The following IGDCC4 variants were observed in gnomAD, a reference collection of about 807,000 sequenced individuals.
IGDCC4 encodes the protein likely ortholog of mouse neighbor of Punc E11.
A neutral mutation model predicts 116.6 loss-of-function variants in IGDCC4; 72 were observed. That is an observed-to-expected ratio of 0.62 (90% CI 0.51 to 0.75). IGDCC4 has a LOEUF of 0.75. IGDCC4 is among the 30% of genes least tolerant of loss of function. The pLI is 0.00. For missense variants in IGDCC4, 1,501 were observed against 1,662.4 expected (o/e 0.90, Z 1.69); for synonymous variants, 709 against 719.9 (o/e 0.98, Z 0.24).
chr15:65,416,394 T>C (rs796424610), intron 1 of IGDCC4, among the ~76,000 whole-genome samples: 152 of 152,092 alleles, frequency 1.0e-3, no homozygotes, highest in Middle Eastern at 3.4e-3. Flanking sequence ...GCCTCGGCCT[T>C]CCAAAGTGCT....
intron 11 of IGDCC4, 60 bp downstream of exon 11, chr15:65,392,074 A>G: frequency 6.5e-7 from 1 of 1,534,864 alleles, no homozygotes; most frequent in African/African-American, 1.4e-5. Context: ...TCTTCACACA[A>G]CTTGCCCAGT....
chr15:65,392,118 C>A lies in IGDCC4; in HGVS notation c.2122+16G>T, dbSNP rs767396452. The A allele has an allele frequency of 1.9e-6, 3 of 1,557,510 alleles. No individual in the cohort carries two copies. The highest frequency in any genetic ancestry group is 1.8e-5 in the Admixed American group (1 of 55,558). On this transcript the variant is annotated intron_variant, in intron 11 of 19. Coordinates refer to ENST00000352385, the MANE Select transcript of IGDCC4 (RefSeq NM_020962.3). ...AAGCTACATCCCTCCCTCCCCCTCC[C>A]CCCAGCCCTCCTCACCTAGCTGGGT...
At chr15:65,396,214 C>CTGCCCCTCCCCCCCGTGCCCCCAAGA in intron 6 of IGDCC4, 51 bp from the exon 7 acceptor site, 1 of 1,376,330 alleles carries the variant, frequency 7.3e-7, no homozygotes, top group Non-Finnish European at 9.3e-7. Flanking sequence ...ACTAAGGTCT[C>CTGCCCCTCCCCCCCGTGCCCCCAAGA]TGCCCCCCCC....
Position 65,391,169 on chromosome 15 carries a change from G to A in IGDCC4, c.2224+711C>T, listed in dbSNP as rs945724665. ...TGCTTGAACCCAGGAGGCAGAGGTT[G>A]CAGTGAGCTGAGATCATACCATTGC... On this transcript the variant is annotated intron_variant, in intron 12 of 19. Coordinates refer to ENST00000352385, the MANE Select transcript of IGDCC4 (RefSeq NM_020962.3). 2.0e-5 allele frequency among the ~76,000 whole-genome samples: 3 copies of A among 152,202 alleles called. No individual in the cohort carries two copies. In the East Asian group the frequency reaches 5.8e-4, roughly 29 times the overall value.
rs1030240736 is a variant in IGDCC4, at chr15:65,400,741, A to G, written c.841+65T>C. 3.9e-6 allele frequency: 6 copies of G among 1,530,310 alleles called. No individual in the cohort carries two copies. In the African/African-American group the frequency reaches 8.2e-5, roughly 21 times the overall value. 94.8% of individuals were successfully genotyped at this position (1,530,310 alleles called of 1,614,324 possible). A position where few individuals can be genotyped will look rare whatever the true frequency, so the allele number is the denominator to read the frequency against. ...CGTCACCCATACATCCCCCTGACTT[A>G]GGGGCATGTGAGATGCCACATCCCT... On this transcript the variant is annotated intron_variant, in intron 5 of 19. Transcript: ENST00000352385.
chr15:65,396,013 A>T lies in IGDCC4; in HGVS notation c.1148T>A (p.Val383Asp). 6.6e-7 allele frequency: 1 copy of T among 1,511,828 alleles called. No homozygotes were observed. Among genetic ancestry groups the T allele is most frequent in the Non-Finnish European group, 8.8e-7 (1 of 1,137,498 alleles). The allele number at this position is 1,511,828 out of a possible 1,614,324, so 93.7% of individuals were successfully genotyped here. ...APLRPNGRVKVQGGGGSLVIT... is the reference protein window; with the variant it reads ...APLRPNGRVKDQGGGGSLVIT... ...GACCAGGCTGCCACCGCCGCCCTGG[A>T]CCTTGACGCGCCCGTTGGGCCGCAG... The change falls in exon 7 of 20, where the codon GTC (valine) becomes GAC (aspartate). Residue 383 changes from valine to aspartate, a missense_variant. Around this residue, in one of 3 missense-constraint regions of IGDCC4, gnomAD observed 898 missense variants for 978.9 expected, o/e 0.92. Coordinates refer to ENST00000352385, the MANE Select transcript of IGDCC4 (RefSeq NM_020962.3).
Position 65,394,475 on chromosome 15 carries a change from C to T in IGDCC4, c.1650G>A (p.Leu550=), listed in dbSNP as rs2062900054. 11 of 1,613,812 alleles carry T rather than the reference C, an allele frequency of 6.8e-6. No homozygotes were observed. The highest frequency in any genetic ancestry group is 9.3e-6 in the Non-Finnish European group (11 of 1,179,918). ...PSDIRVAWLP[L]PPSLSNGQVV... ...CCTGCCCATTGCTCAGGCTGGGGGG[C>T]AGGGGCAGCCACGCCACCCTGATGT... The change falls in exon 9 of 20, where the codon CTG becomes CTA. Residue 550 remains leucine, a synonymous_variant. Transcript: ENST00000352385.
At chr15:65,419,221 T>A (rs1019465092) in intron 1 of IGDCC4, among the ~76,000 whole-genome samples, 21 of 137,572 alleles carry the variant, frequency 1.5e-4, no homozygotes, top group Non-Finnish European at 6.1e-5. Context: ...ATGACCGCCA[T>A]GCTTTTTTTT....
chr15:65,385,389 A>T, intron 18 of IGDCC4: 1 of 543,138 alleles, frequency 1.8e-6, no homozygotes, highest in South Asian at 2.3e-5. Flanking sequence ...GTGAGGGAGG[A>T]CGGGTCGGAG....
At chr15:65,400,760 C>T in intron 5 of IGDCC4, 46 bp downstream of exon 5, 1 of 1,552,766 alleles carries the variant, frequency 6.4e-7, no homozygotes. Flanking sequence ...TGAGATGCCA[C>T]ATCCCTCCCT....
chr15:65,390,197 G>A lies in IGDCC4; in HGVS notation c.2366C>T (p.Pro789Leu). The A allele has an allele frequency of 6.2e-7, 1 of 1,606,630 alleles. No homozygotes were observed. The highest frequency in any genetic ancestry group is 8.5e-7 in the Non-Finnish European group (1 of 1,174,166). ...CAGGGAGGCATTCCTGAGCCCCCAG[G>A]GGCTGAAGCGCACAGTGTAGTTGAC... is the stretch of plus-strand genomic sequence containing the variant. Reference protein sequence around the residue: ...KIVNYTVRFSPWGLRNASLVT... With the variant: ...KIVNYTVRFSLWGLRNASLVT... The change falls in exon 13 of 20, where the codon CCC (proline) becomes CTC (leucine). Residue 789 changes from proline (P) to leucine (L), a missense_variant. Around this residue, in one of 3 missense-constraint regions of IGDCC4, gnomAD observed 235 missense variants for 328.0 expected, o/e 0.72. Coordinates refer to ENST00000352385, the MANE Select transcript of IGDCC4 (RefSeq NM_020962.3).
intron 6 of IGDCC4, chr15:65,396,522 C>A: frequency 1.8e-6 from 1 of 566,302 alleles, no homozygotes; most frequent in South Asian, 2.0e-5. Context: ...CCCTGCCCCC[C>A]AGTTTTCTTA....
chr15:65,418,308 C>T (rs2063161624), intron 1 of IGDCC4, among the ~76,000 whole-genome samples: 1 of 152,154 alleles, frequency 6.6e-6, no homozygotes, highest in South Asian at 2.1e-4. Flanking sequence ...CTTGCCTGTT[C>T]TCTTGCTGTA....
chr15:65,399,281 C>A lies in IGDCC4; in HGVS notation c.841+1525G>T, dbSNP rs559248491. On this transcript the variant is annotated intron_variant, in intron 5 of 19. Coordinates refer to ENST00000352385, the MANE Select transcript of IGDCC4 (RefSeq NM_020962.3). ...AGCCCAGGAGTTTGAGACCTGCCTG[C>A]GCAACATCTAGAAACCCTGTCTCTA... 3.9e-5 allele frequency among the ~76,000 whole-genome samples: 6 copies of A among 151,922 alleles called. No homozygotes were observed. The South Asian group carries it at 1.3e-3, about 32-fold the overall frequency.
Position 65,411,107 on chromosome 15 carries a change from C to G in IGDCC4, c.334G>C (p.Val112Leu). 1 of 1,614,248 alleles carries G rather than the reference C, an allele frequency of 6.2e-7. No individual in the cohort carries two copies. ...GAATAGTTGCCTTCAATGACCCCCA[C>G]AGCCTCAGGGACTGACTCGTCACTG... The part of the protein sequence containing the change: ...NGSDESVPEA[V>L]GVIEGNYSCL... Residue 112 changes from valine to leucine, a missense_variant, in exon 2 of 20, where the codon GTG becomes CTG. Physicochemically the swap from Val to Leu is conservative, Grantham distance 32 (BLOSUM62 1). Transcript: ENST00000352385.
chr15:65,395,868 G>C lies in IGDCC4; in HGVS notation c.1293C>G (p.Ala431=), dbSNP rs1438669964. The change falls in exon 7 of 20, where the codon GCC becomes GCG. Residue 431 remains alanine (A), a synonymous_variant. Coordinates refer to ENST00000352385, the MANE Select transcript of IGDCC4 (RefSeq NM_020962.3). ...GTGGCGTAGCAGTGACCCGCGTGGG[G>C]GCGCTGGGCAGCCCCTCGCGCACCA... is the stretch of plus-strand genomic sequence containing the variant. The part of the protein sequence containing the change: ...AVVVREGLPS[A]PTRVTATPLS... 8 of 1,582,434 alleles carry C rather than the reference G, an allele frequency of 5.1e-6. No homozygotes were observed. Among genetic ancestry groups the C allele is most frequent in the Non-Finnish European group, 6.8e-6 (8 of 1,171,374 alleles).
In IGDCC4 at chr15:65,395,848, G is replaced by T; in HGVS notation, c.1313C>A (p.Thr438Lys). ...LPSAPTRVTA[T>K]PLSSSAVLVA... ...CAACACAGCGGAGCTGCTCAGTGGC[G>T]TAGCAGTGACCCGCGTGGGGGCGCT... The change falls in exon 7 of 20, where the codon ACG (threonine) becomes AAG (lysine). Residue 438 changes from threonine to lysine, a missense_variant. Thr to Lys is a moderately conservative substitution (Grantham distance 78). This residue lies in a region of IGDCC4 where 898 missense variants were observed against 978.9 expected (regional missense o/e 0.92). Transcript: ENST00000352385. The T allele has an allele frequency of 6.3e-7, 1 of 1,575,086 alleles. No homozygotes were observed. The highest frequency in any genetic ancestry group is 2.3e-5 in the East Asian group (1 of 43,188).
chr15:65,398,442 G>C (rs2062947632), intron 5 of IGDCC4, among the ~76,000 whole-genome samples: 1 of 146,054 alleles, frequency 6.8e-6, no homozygotes, highest in Non-Finnish European at 1.5e-5. Flanking sequence ...GCTGAGACAG[G>C]AGAATCACTT....
rs2091412832 is a variant in IGDCC4, at chr15:65,382,724, A to C, written c.*1285T>G. 1 of 152,132 alleles carries C rather than the reference A, an allele frequency of 6.6e-6. No individual in the cohort carries two copies. The highest frequency in any genetic ancestry group is 2.4e-5 in the African/African-American group (1 of 41,416). 9.4% of individuals were successfully genotyped at this position (152,132 alleles called of 1,614,324 possible). ...CTCCTTGCCAGCACCCCAGAGGGTG[A>C]GATTCCTGTCATCCCCAATCCAGAT... On this transcript the variant is annotated 3_prime_UTR_variant, in exon 20 of 20. Transcript: ENST00000352385.
Sources: gnomAD v4.1 joint callset for allele counts (sites outside exome capture counted in the v4.1 genomes callset) on GRCh38, gnomAD v4.1.1 for gene constraint, gnomAD v4.1.1 regional missense constraint, MANE v1.5 for transcripts, NCBI Gene and HGNC (gene_info 2026-07-23, HGNC 2026-07-21) for gene names.